RPIA: variants seen among roughly 807,000 people sequenced by gnomAD.
The protein encoded by RPIA is ribose-5-phosphate isomerase.
A neutral mutation model predicts 37.8 loss-of-function variants in RPIA; 29 were observed. The ratio of observed to expected loss-of-function variants is 0.77; its 90% confidence interval spans 0.57 to 1.05. The LOEUF (loss-of-function observed/expected upper bound fraction) is 1.05, where lower values mean the gene tolerates loss of function less well. Among genes scored for constraint, RPIA ranks in the 50% least tolerant of loss-of-function variants. RPIA has a pLI of 0.00. For missense variants in RPIA, 385 were observed against 413.6 expected (o/e 0.93, Z 0.60); for synonymous variants, 167 against 157.0 (o/e 1.06, Z -0.48).
At position 88,715,781 on chromosome 2, in the gene RPIA, T is replaced by C. The variant is rs139274343; in HGVS notation, c.403-13497T>C. ...TACCGTTGTCCATCAGTGTTCCAGC[T>C]TTTAAAATTCGTTGCTATTTTCTCC... On this transcript the variant is annotated intron_variant, in intron 3 of 8. Coordinates refer to ENST00000283646, the MANE Select transcript of RPIA (RefSeq NM_144563.3). 2.6e-3 allele frequency among the ~76,000 whole-genome samples: 397 copies of C among 152,332 alleles called. 1 individual carries two copies. The highest frequency in any genetic ancestry group is 9.0e-3 in the African/African-American group (373 of 41,564).
intron 8 of RPIA, among the ~76,000 whole-genome samples, chr2:88,748,701 T>G (rs1386341614): frequency 6.6e-6 from 1 of 152,174 alleles, no homozygotes; most frequent in Non-Finnish European, 1.5e-5. Context: ...TTCTACTCTT[T>G]TAGTTTTTTC....
chr2:88,742,766 G>A (rs1171021301), intron 8 of RPIA, among the ~76,000 whole-genome samples: 1 of 151,942 alleles, frequency 6.6e-6, no homozygotes, highest in Non-Finnish European at 1.5e-5. Flanking sequence ...CACCTCCTTG[G>A]TTGGGTATAC....
intron 8 of RPIA, among the ~76,000 whole-genome samples, chr2:88,741,866 G>C (rs1673386912): frequency 6.6e-6 from 1 of 152,058 alleles, no homozygotes; most frequent in Non-Finnish European, 1.5e-5. Context: ...ATCTTCTTTT[G>C]AGAATTGTCT....
intron 3 of RPIA, among the ~76,000 whole-genome samples, chr2:88,713,165 T>TC (rs1672985549): frequency 8.3e-6 from 1 of 120,472 alleles, no homozygotes; most frequent in Non-Finnish European, 1.8e-5. Context: ...TTTTTTTTTT[T>TC]TTTTTTTTTT....
At chr2:88,745,984 C>T (rs971705110) in intron 8 of RPIA, among the ~76,000 whole-genome samples, 1 of 151,914 alleles carries the variant, frequency 6.6e-6, no homozygotes, top group African/African-American at 2.4e-5. Flanking sequence ...TTTTTTGATT[C>T]TTTTTTTCTT....
intron 8 of RPIA, among the ~76,000 whole-genome samples, chr2:88,743,317 T>G (rs1052225568): frequency 6.6e-6 from 1 of 152,192 alleles, no homozygotes; most frequent in African/African-American, 2.4e-5. Context: ...TGTTTTAGAT[T>G]GTTTATGTGG....
intron 8 of RPIA, among the ~76,000 whole-genome samples, chr2:88,743,391 C>G (rs868285887): frequency 6.6e-6 from 1 of 152,152 alleles, no homozygotes; most frequent in Non-Finnish European, 1.5e-5. Context: ...GAAACGCACT[C>G]GATCATGGTG....
intron 1 of RPIA, among the ~76,000 whole-genome samples, chr2:88,697,772 G>A (rs928972975): frequency 2.0e-5 from 3 of 152,112 alleles, no homozygotes; most frequent in Non-Finnish European, 2.9e-5. Context: ...TTTCTCTGAG[G>A]CAGGCTCATG....
intron 3 of RPIA, among the ~76,000 whole-genome samples, chr2:88,725,724 A>G (rs958681614): frequency 6.6e-6 from 1 of 152,214 alleles, no homozygotes; most frequent in East Asian, 1.9e-4. Context: ...TAGAACTCCA[A>G]TAGATCTTTT....
chr2:88,699,647 C>T (rs1672804028), intron 2 of RPIA, among the ~76,000 whole-genome samples: 1 of 152,200 alleles, frequency 6.6e-6, no homozygotes, highest in South Asian at 2.1e-4. Flanking sequence ...CATTACCTCT[C>T]TGAACCTCAG....
chr2:88,740,109 G>C (rs1673364666), intron 8 of RPIA, among the ~76,000 whole-genome samples: 1 of 152,150 alleles, frequency 6.6e-6, no homozygotes, highest in Non-Finnish European at 1.5e-5. Context: ...CTTGCCCTTG[G>C]TGATAATGCA....
intron 1 of RPIA, among the ~76,000 whole-genome samples, chr2:88,693,538 T>C (rs1175172026): frequency 6.6e-6 from 1 of 152,218 alleles, no homozygotes; most frequent in Non-Finnish European, 1.5e-5. Context: ...GCCTCTTATG[T>C]GCTTTATGTT....
chr2:88,728,186 A>G (rs1673221507), intron 3 of RPIA, among the ~76,000 whole-genome samples: 1 of 152,230 alleles, frequency 6.6e-6, no homozygotes, highest in Non-Finnish European at 1.5e-5. Flanking sequence ...TTTTAATAAC[A>G]TCAAATCTGG....
At chr2:88,741,698 A>T (rs1354375611) in intron 8 of RPIA, among the ~76,000 whole-genome samples, 1 of 152,250 alleles carries the variant, frequency 6.6e-6, no homozygotes, top group African/African-American at 2.4e-5. Context: ...TCCCACCAGC[A>T]GTGTGAAAGT....
intron 3 of RPIA, among the ~76,000 whole-genome samples, chr2:88,707,779 G>A (rs1465394822): frequency 6.6e-6 from 1 of 152,220 alleles, no homozygotes; most frequent in African/African-American, 2.4e-5. Flanking sequence ...TGTATAGTAA[G>A]TGATCATCTG....
Position 88,740,688 on chromosome 2 carries a change from A to G in RPIA, c.838+2612A>G, listed in dbSNP as rs967373414. Among the ~76,000 whole-genome samples the G allele has an allele frequency of 2.0e-5, 3 of 152,098 alleles. No homozygotes were observed. The East Asian group carries it at 5.8e-4, about 29-fold the overall frequency. ...TAGCATCCTCTGCTCTTTCCACTAT[A>G]TTTTATCGGGGAGTTGGGGGAGGTC... On this transcript the variant is annotated intron_variant, in intron 8 of 8. Transcript: ENST00000283646.
intron 8 of RPIA, among the ~76,000 whole-genome samples, chr2:88,743,939 T>C (rs28785176): frequency 0.061 from 9,216 of 152,210 alleles, 500 homozygotes; most frequent in African/African-American, 0.14. Context: ...GGTCTATCGA[T>C]TTTATCTTTT....
intron 3 of RPIA, among the ~76,000 whole-genome samples, chr2:88,727,099 G>A (rs574426120): frequency 1.4e-4 from 21 of 152,046 alleles, no homozygotes; most frequent in Admixed American, 7.2e-4. Context: ...GTGTGTGTGC[G>A]CGCGCATGTG....
chr2:88,693,364 A>T (rs1676969596), intron 1 of RPIA, among the ~76,000 whole-genome samples: 1 of 152,194 alleles, frequency 6.6e-6, no homozygotes, highest in African/African-American at 2.4e-5. Flanking sequence ...TCATTTCATG[A>T]AGTTAGGTAA....
Sources: allele counts gnomAD v4.1 joint callset (sites outside exome capture counted in the v4.1 genomes callset), GRCh38; gene constraint gnomAD v4.1.1; transcripts MANE v1.5; gene names NCBI Gene and HGNC (gene_info 2026-07-23, HGNC 2026-07-21).